Variants in BACE2 observed in about 807,000 individuals in gnomAD.
BACE2 encodes the protein 56 kDa aspartic-like protease.
BACE2 carries 17 observed loss-of-function variants against 46.2 expected under a neutral mutation model. That is an observed-to-expected ratio of 0.37 (90% CI 0.25 to 0.55). BACE2 has a LOEUF of 0.55. BACE2 is among the 20% of genes least tolerant of loss of function. The pLI is 0.82. For missense variants in BACE2, 595 were observed against 698.1 expected, an observed-to-expected ratio of 0.85 and a Z score of 1.66; for synonymous variants, 277 against 295.9, an observed-to-expected ratio of 0.94 and a Z score of 0.66.
intron 7 of BACE2, 152 bp from the exon 8 acceptor site, chr21:41,257,006 C>T (rs1987803501): frequency 1.3e-6 from 1 of 785,852 alleles, no homozygotes; most frequent in South Asian, 1.8e-5. Context: ...CTTCTCTCCT[C>T]CTGGATGGCA....
chr21:41,243,611 C>T lies in BACE2; in HGVS notation c.882+101C>T, dbSNP rs1237173653. On this transcript the variant is annotated intron_variant, in intron 5 of 8. Transcript: ENST00000330333. ...GATGCCAATAGAAGGTACATTACCT[C>T]GTAAGATAAAGGCTCATTACATGAA... 8.0e-6 allele frequency: 10 copies of T among 1,252,842 alleles called. No homozygotes were observed. In the Admixed American group the frequency reaches 1.1e-4, roughly 14 times the overall value. The allele number at this position is 1,252,842 out of a possible 1,614,324, so 77.6% of individuals were successfully genotyped here. A position where few individuals can be genotyped will look rare whatever the true frequency, so the allele number is the denominator to read the frequency against.
At chr21:41,269,012 T>C (rs1203128024) in intron 8 of BACE2, among the ~76,000 whole-genome samples, 1 of 152,176 alleles carries the variant, frequency 6.6e-6, no homozygotes, top group East Asian at 1.9e-4. Context: ...TTGATTGCAA[T>C]GGCGTGATCT....
chr21:41,264,045 C>T (rs1423937801), intron 8 of BACE2, among the ~76,000 whole-genome samples: 6 of 152,126 alleles, frequency 3.9e-5, no homozygotes, highest in Admixed American at 3.9e-4. Flanking sequence ...TCCTTTCTAT[C>T]TTTGCTGCAT....
At chr21:41,269,765 G>GT (rs907530802) in intron 8 of BACE2, among the ~76,000 whole-genome samples, 6 of 152,120 alleles carry the variant, frequency 3.9e-5, no homozygotes, top group African/African-American at 1.2e-4. Flanking sequence ...CAAGTTTTGG[G>GT]TTTTTTGGCA....
At chr21:41,244,088 C>T (rs1479248603) in intron 5 of BACE2, among the ~76,000 whole-genome samples, 8 of 152,074 alleles carry the variant, frequency 5.3e-5, no homozygotes, top group Non-Finnish European at 1.0e-4. Context: ...CTGGCTTGTT[C>T]GTGACACATT....
At chr21:41,189,778 A>G (rs56370300) in intron 1 of BACE2, among the ~76,000 whole-genome samples, 9,951 of 152,278 alleles carry the variant, frequency 0.065, 430 homozygotes, top group Non-Finnish European at 0.096. Flanking sequence ...GGAGATAGAT[A>G]TAGATAATAG....
chr21:41,236,566 C>A (rs147227846), intron 2 of BACE2: 1 of 152,226 alleles, frequency 6.6e-6, no homozygotes, highest in Admixed American at 6.5e-5. Context: ...ATGCCATTAG[C>A]GTCACTGCCC....
rs188305312 is a variant in BACE2 at position 41,193,533 on chromosome 21, A to G, written c.312+24958A>G. Among the ~76,000 whole-genome samples the G allele has an allele frequency of 4.3e-4, 66 of 152,318 alleles. No individual in the cohort carries two copies. Among genetic ancestry groups the G allele is most frequent in the African/African-American group, 1.3e-3 (56 of 41,566 alleles). On this transcript the variant is annotated intron_variant, in intron 1 of 8. Transcript: ENST00000330333. The surrounding 1 kb of genome is among the most constrained non-coding windows in gnomAD (Gnocchi z 4.2). ...CTTGATGGTGGCACTAATCTCCACA[A>G]TCCCTTCAGGGATGTGATACTGTTT...
intron 1 of BACE2, 79 bp from the exon 2 acceptor site, chr21:41,226,187 A>T (rs1190571302): frequency 5.3e-6 from 6 of 1,124,086 alleles, no homozygotes; most frequent in South Asian, 1.4e-5. Flanking sequence ...ACTTAGTTTT[A>T]AAAACATTAT....
chr21:41,170,621 C>T (rs1262744792), intron 1 of BACE2, among the ~76,000 whole-genome samples: 3 of 152,202 alleles, frequency 2.0e-5, no homozygotes, highest in Non-Finnish European at 4.4e-5. Flanking sequence ...TGTCAGCAGC[C>T]GGCTAGAGGG....
chr21:41,173,405 A>C (rs779785858), intron 1 of BACE2, among the ~76,000 whole-genome samples: 28 of 152,130 alleles, frequency 1.8e-4, no homozygotes, highest in Non-Finnish European at 3.7e-4. Context: ...TCCCTTCTGT[A>C]CTTCTGTATT....
chr21:41,266,229 G>T (rs1988063513), intron 8 of BACE2, among the ~76,000 whole-genome samples: 1 of 152,032 alleles, frequency 6.6e-6, no homozygotes, highest in African/African-American at 2.4e-5. Flanking sequence ...GTACTTTAAT[G>T]GGTTTTTAGT....
chr21:41,264,535 T>C (rs74346853), intron 8 of BACE2, among the ~76,000 whole-genome samples: 12,729 of 151,954 alleles, frequency 0.084, 680 homozygotes, highest in South Asian at 0.13. Flanking sequence ...AAACTTACAA[T>C]TGTGGTAGAA....
At chr21:41,195,864 G>A (rs563940273) in intron 1 of BACE2, among the ~76,000 whole-genome samples, 2 of 152,290 alleles carry the variant, frequency 1.3e-5, no homozygotes, top group Admixed American at 6.5e-5. Flanking sequence ...TAACTTACAT[G>A]GCTTGTTAGA....
intron 3 of BACE2, among the ~76,000 whole-genome samples, chr21:41,241,511 T>G (rs1987284753): frequency 1.3e-5 from 2 of 152,156 alleles, no homozygotes; most frequent in South Asian, 4.1e-4. Flanking sequence ...GGTAACCTAC[T>G]TCCACGGCTT....
chr21:41,268,906 T>A (rs2123647419), intron 8 of BACE2, among the ~76,000 whole-genome samples: 1 of 152,306 alleles, frequency 6.6e-6, no homozygotes, highest in Non-Finnish European at 1.5e-5. Context: ...GTCCATGTAG[T>A]CAGCGTGACT....
At chr21:41,237,471 A>C in intron 2 of BACE2, 42 bp from the exon 3 acceptor site, 1 of 1,332,660 alleles carries the variant, frequency 7.5e-7, no homozygotes, top group Non-Finnish European at 1.0e-6. Flanking sequence ...AAAATAAAAT[A>C]AAATAAAATG....
At chr21:41,168,744 G>C (rs1200414270) in intron 1 of BACE2, among the ~76,000 whole-genome samples, 169 bp downstream of exon 1, 1 of 152,086 alleles carries the variant, frequency 6.6e-6, no homozygotes, top group African/African-American at 2.4e-5. Flanking sequence ...GGGGGCGCTC[G>C]CTCTTGAGTC....
chr21:41,168,925 A>C (rs941568064), intron 1 of BACE2, among the ~76,000 whole-genome samples: 1 of 151,746 alleles, frequency 6.6e-6, no homozygotes, highest in Non-Finnish European at 1.5e-5. Context: ...CGGGAGACGG[A>C]GCGGTGGGCC....
Sources: gnomAD v4.1 joint callset for allele counts (sites outside exome capture counted in the v4.1 genomes callset) on GRCh38, gnomAD v4.1.1 for gene constraint, Gnocchi (gnomAD v3.1) non-coding constraint, MANE v1.5 for transcripts, NCBI Gene and HGNC (gene_info 2026-07-23, HGNC 2026-07-21) for gene names.